FBXO25: variants seen among roughly 807,000 people sequenced by gnomAD.
FBXO25 encodes the protein F-box only protein 25.
In FBXO25, 45 loss-of-function variants were observed where a neutral mutation model predicts 51.9. The observed-to-expected ratio is 0.87, with a 90% confidence interval of 0.68 to 1.11. The LOEUF (loss-of-function observed/expected upper bound fraction) is 1.11. FBXO25 is among the 50% of genes most tolerant of loss of function. The pLI is 0.00. For synonymous variants in FBXO25, 199 were observed against 151.0 expected (o/e 1.32, Z -2.33); for missense variants, 507 against 428.5 (o/e 1.18, Z -1.62).
At position 444,658 on chromosome 8, in the gene FBXO25, A is replaced by G. The variant is rs189871494; in HGVS notation, c.382-5332A>G. ...GTTTAGAATTGTCAGATTTGAGGAG[A>G]TACGCAGTCATGCACTACATAACGA... On this transcript the variant is annotated intron_variant, in intron 5 of 9. Coordinates refer to ENST00000350302, the MANE Select transcript of FBXO25 (RefSeq NM_183420.2). 7.4e-3 allele frequency among the ~76,000 whole-genome samples: 1,128 copies of G among 152,212 alleles called. 8 individuals are homozygous for G. The highest frequency in any genetic ancestry group is 0.012 in the Non-Finnish European group (848 of 67,942).
intron 8 of FBXO25, among the ~76,000 whole-genome samples, chr8:460,209 C>T (rs531762068): frequency 2.4e-4 from 36 of 152,226 alleles, no homozygotes; most frequent in South Asian, 2.1e-4. Flanking sequence ...GGTGTTTATA[C>T]ATCTAGACCC....
rs568827968 is a variant in FBXO25, at chr8:471,669, C to T, written c.*2865C>T. 55 of 152,330 alleles carry T rather than the reference C, an allele frequency of 3.6e-4. No homozygotes were observed. The highest frequency in any genetic ancestry group is 1.2e-3 in the African/African-American group (49 of 41,572). 9.4% of individuals were successfully genotyped at this position (152,330 alleles called of 1,614,324 possible). ...CTCAGGGCTGGTGTCTCTTGACACCCAGTTACAACTTCCTTTTGCCTATTT... is the reference window on the plus strand; with the variant it reads ...CTCAGGGCTGGTGTCTCTTGACACCTAGTTACAACTTCCTTTTGCCTATTT... On this transcript the variant is annotated 3_prime_UTR_variant, in exon 10 of 10. Transcript: ENST00000350302.
rs1239192391 is a variant in FBXO25 at position 475,447 on chromosome 8, T to A, written c.*6643T>A. On this transcript the variant is annotated 3_prime_UTR_variant, in exon 10 of 10. Transcript: ENST00000350302. ...GGTCTCTTGAGATTCCATATGAGTT[T>A]CAGGATGGAAAAAAAAAAGCCACTG... 4 of 153,722 alleles carry A rather than the reference T, an allele frequency of 2.6e-5. No homozygotes were observed. Among genetic ancestry groups the A allele is most frequent in the African/African-American group, 7.2e-5 (3 of 41,416 alleles). The allele number at this position is 153,722 out of a possible 1,614,324, so 9.5% of individuals were successfully genotyped here. A position where few individuals can be genotyped will look rare whatever the true frequency, so the allele number is the denominator to read the frequency against.
chr8:443,952 G>A (rs1280441636), intron 5 of FBXO25, among the ~76,000 whole-genome samples: 1 of 152,042 alleles, frequency 6.6e-6, no homozygotes, highest in African/African-American at 2.4e-5. Context: ...AGCACAGATT[G>A]TGGGATCCCC....
intron 5 of FBXO25, among the ~76,000 whole-genome samples, chr8:440,857 G>T (rs1459309064): frequency 1.4e-5 from 2 of 144,482 alleles, no homozygotes; most frequent in African/African-American, 5.1e-5. Flanking sequence ...CTGTTCTCGT[G>T]TTAGTTTGCT....
At chr8:408,601 C>G (rs942295718) in intron 1 of FBXO25, among the ~76,000 whole-genome samples, 2 of 152,108 alleles carry the variant, frequency 1.3e-5, no homozygotes, top group African/African-American at 4.8e-5. Context: ...TAATGCGTAG[C>G]CTATGGTAAG....
intron 9 of FBXO25, chr8:467,651 TCTTAA>T (rs1563102605): frequency 4.0e-6 from 6 of 1,504,412 alleles, no homozygotes; most frequent in Admixed American, 3.3e-5. Flanking sequence ...CTCTTTCTAA[TCTTAA>T]CTTTTCCTTT....
chr8:475,253 TG>T lies in FBXO25; in HGVS notation c.*6450del, dbSNP rs1800608646. On this transcript the variant is annotated 3_prime_UTR_variant, in exon 10 of 10. Transcript: ENST00000350302. ...ACCATCAAAAATCATTTGACCCATATGTGCAAGGGTTTATTTGGGGATTTGC... is the reference window on the plus strand; with the variant it reads ...ACCATCAAAAATCATTTGACCCATATTGCAAGGGTTTATTTGGGGATTTGC... 1 of 240,070 alleles carries T rather than the reference TG, an allele frequency of 4.2e-6. No individual in the cohort carries two copies. The highest frequency in any genetic ancestry group is 5.4e-5 in the South Asian group (1 of 18,582). 14.9% of individuals were successfully genotyped at this position (240,070 alleles called of 1,614,324 possible).
At chr8:433,613 A>C (rs1224710701) in intron 4 of FBXO25, among the ~76,000 whole-genome samples, 2 of 152,212 alleles carry the variant, frequency 1.3e-5, no homozygotes, top group East Asian at 3.9e-4. Context: ...GAGAGCTTCA[A>C]GCTGTTTCCT....
At chr8:440,088 G>T (rs907035397) in intron 5 of FBXO25, among the ~76,000 whole-genome samples, 12 of 152,178 alleles carry the variant, frequency 7.9e-5, no homozygotes, top group Admixed American at 7.9e-4. Flanking sequence ...CCTCCCAGGC[G>T]GGGACTCGAG....
chr8:421,956 T>G (rs559063156), intron 2 of FBXO25, among the ~76,000 whole-genome samples: 1 of 152,228 alleles, frequency 6.6e-6, no homozygotes, highest in Admixed American at 6.5e-5. Context: ...TAGGCTGATA[T>G]GAATACATAA....
chr8:421,302 G>A (rs1797138494), intron 2 of FBXO25, among the ~76,000 whole-genome samples: 1 of 152,246 alleles, frequency 6.6e-6, no homozygotes, highest in Non-Finnish European at 1.5e-5. Context: ...TGGAAAAAGT[G>A]TCTTCTAAGA....
At chr8:434,027 C>A (rs1314401484) in intron 4 of FBXO25, among the ~76,000 whole-genome samples, 1 of 152,152 alleles carries the variant, frequency 6.6e-6, no homozygotes, top group East Asian at 1.9e-4. Context: ...ACAGAGGATC[C>A]CATCCAAGCT....
At chr8:468,045 G>C in intron 9 of FBXO25, 1 of 1,268,366 alleles carries the variant, frequency 7.9e-7, no homozygotes, top group Non-Finnish European at 1.0e-6. Context: ...GGCATGCCAT[G>C]GAGAGATCCA....
intron 5 of FBXO25, among the ~76,000 whole-genome samples, chr8:448,759 C>T (rs567510044): frequency 2.6e-5 from 4 of 152,122 alleles, no homozygotes; most frequent in Admixed American, 6.5e-5. Flanking sequence ...AGATGTTATT[C>T]ACTAAAATCA....
chr8:460,425 C>T (rs1223657648), intron 8 of FBXO25, among the ~76,000 whole-genome samples: 3 of 152,052 alleles, frequency 2.0e-5, no homozygotes, highest in African/African-American at 4.8e-5. Context: ...ATCTGTTCTT[C>T]AGGCCTCAGT....
At position 469,288 on chromosome 8, in the gene FBXO25, A is replaced by T. The variant is rs1231398020; in HGVS notation, c.*484A>T. ...TAACTACTACATTGGCTGTGCCCAAATGAGTCCTCTTTGAATAGAAAGTGA... is the reference window on the plus strand; with the variant it reads ...TAACTACTACATTGGCTGTGCCCAATTGAGTCCTCTTTGAATAGAAAGTGA... On this transcript the variant is annotated 3_prime_UTR_variant, in exon 10 of 10. Coordinates refer to ENST00000350302, the MANE Select transcript of FBXO25 (RefSeq NM_183420.2). 1 of 152,978 alleles carries T rather than the reference A, an allele frequency of 6.5e-6. No individual in the cohort carries two copies. The highest frequency in any genetic ancestry group is 2.4e-5 in the African/African-American group (1 of 41,470). 9.5% of individuals were successfully genotyped at this position (152,978 alleles called of 1,614,324 possible).
At chr8:426,308 A>T (rs1477081394) in intron 2 of FBXO25, among the ~76,000 whole-genome samples, 8 of 152,316 alleles carry the variant, frequency 5.3e-5, no homozygotes, top group Non-Finnish European at 7.3e-5. Flanking sequence ...CACTATTTAG[A>T]TGTTAAATCT....
At chr8:427,347 G>C (rs1797554130) in intron 2 of FBXO25, among the ~76,000 whole-genome samples, 1 of 150,414 alleles carries the variant, frequency 6.6e-6, no homozygotes, top group African/African-American at 2.5e-5. Flanking sequence ...ACTTTGTTTT[G>C]GTGTTGGTGA....
Sources: gnomAD v4.1 joint callset for allele counts (sites outside exome capture counted in the v4.1 genomes callset) on GRCh38, gnomAD v4.1.1 for gene constraint, MANE v1.5 for transcripts, NCBI Gene and HGNC (gene_info 2026-07-23, HGNC 2026-07-21) for gene names.